The following AOX1 variants were observed in gnomAD, a reference collection of about 807,000 sequenced individuals.
AOX1 encodes the protein aldehyde oxidase.
Under a neutral mutation model 169.5 loss-of-function variants are expected in AOX1, and 153 were observed. The observed-to-expected ratio is 0.90, with a 90% confidence interval of 0.79 to 1.03. AOX1 has a LOEUF of 1.03. AOX1 is among the 50% of genes least tolerant of loss of function. The probability of loss-of-function intolerance (pLI) is 0.00; values close to 1 mark genes in which losing one functional copy is unlikely to be tolerated. For synonymous variants in AOX1, 562 were observed against 581.9 expected (o/e 0.97, Z 0.49); for missense variants, 1,656 against 1,663.9 (o/e 1.00, Z 0.08).
At chr2:200,656,515 T>A (rs957585783) in intron 26 of AOX1, among the ~76,000 whole-genome samples, 2 of 152,102 alleles carry the variant, frequency 1.3e-5, no homozygotes, top group African/African-American at 2.4e-5. Context: ...GCAAAACAAT[T>A]TTAGTGTCTA....
Position 200,587,032 on chromosome 2 carries a change from C to G in AOX1, c.45+879C>G, listed in dbSNP as rs565297822. On this transcript the variant is annotated intron_variant, in intron 1 of 34. Coordinates refer to ENST00000374700, the MANE Select transcript of AOX1 (RefSeq NM_001159.4). ...GCCTGTAATCTGCACTTTGGGAGAC[C>G]GAGGCAGGAGGATTGCTTGAGCCCA... Among the ~76,000 whole-genome samples the G allele has an allele frequency of 3.3e-5, 5 of 151,854 alleles. No homozygotes were observed. In the South Asian group the frequency reaches 1.0e-3, roughly 32 times the overall value.
In AOX1 at chr2:200,613,919, T is replaced by C; in HGVS notation, c.1564T>C (p.Phe522Leu). Residue 522 changes from phenylalanine to leucine, a missense_variant, in exon 15 of 35, where the codon TTC (phenylalanine) becomes CTC (leucine). Coordinates refer to ENST00000374700, the MANE Select transcript of AOX1 (RefSeq NM_001159.4). ...GTTCAAGAGGACTCTCATCATCAGC[T>C]TCCTCTTCAAGTTCTACCTGGAAGT... Reference protein sequence around the residue: ...VEFKRTLIISFLFKFYLEVSQ... With the variant: ...VEFKRTLIISLLFKFYLEVSQ... The C allele has an allele frequency of 3.1e-6, 5 of 1,612,566 alleles. No homozygotes were observed. The highest frequency in any genetic ancestry group is 4.2e-6 in the Non-Finnish European group (5 of 1,179,946).
At chr2:200,634,996 A>T in intron 21 of AOX1, 81 bp downstream of exon 21, 1 of 1,554,270 alleles carries the variant, frequency 6.4e-7, no homozygotes, top group East Asian at 2.3e-5. Context: ...TAGAGGTAAA[A>T]GTATATTTGG....
At chr2:200,657,165 A>AAAAAAAAATAT (rs1179205121) in intron 27 of AOX1, among the ~76,000 whole-genome samples, 3 of 88,370 alleles carry the variant, frequency 3.4e-5, no homozygotes, top group Admixed American at 1.4e-4. Context: ...CTCTACCAAA[A>AAAAAAAAATAT]ATATATATAT....
rs562870200 is a variant in AOX1 at position 200,670,139 on chromosome 2, C to T, written c.3966+397C>T. Among the ~76,000 whole-genome samples, 71 of 152,236 alleles carry T rather than the reference C, an allele frequency of 4.7e-4. 1 individual carries two copies. The highest frequency in any genetic ancestry group is 1.6e-3 in the African/African-American group (68 of 41,522). The stretch of plus-strand genomic sequence containing the variant: ...AGTCTGCCTCCACCCCAACCCCAAA[C>T]GGGCACCCGGAAAGTATGCTAGCAG... On this transcript the variant is annotated intron_variant, in intron 34 of 34. Transcript: ENST00000374700.
intron 14 of AOX1, among the ~76,000 whole-genome samples, 159 bp from the exon 15 acceptor site, chr2:200,613,645 A>G (rs1271780236): frequency 1.3e-5 from 2 of 152,144 alleles, no homozygotes; most frequent in Non-Finnish European, 2.9e-5. Flanking sequence ...CAGGCTAGCC[A>G]CCTTGAGAAT....
intron 11 of AOX1, 33 bp downstream of exon 11, chr2:200,609,168 C>T (rs373764972): frequency 1.2e-5 from 20 of 1,610,512 alleles, no homozygotes; most frequent in Non-Finnish European, 1.6e-5. Context: ...CTCTGGTATG[C>T]ATCCCTTGGG....
chr2:200,644,210 G>T (rs539834149), intron 25 of AOX1, among the ~76,000 whole-genome samples: 25 of 152,318 alleles, frequency 1.6e-4, no homozygotes, highest in Admixed American at 7.2e-4. Context: ...TTAGGTTTAA[G>T]TCCTTAATCC....
chr2:200,681,935 T>TA (rs1245445375), downstream of AOX1, among the ~76,000 whole-genome samples: 4 of 152,124 alleles, frequency 2.6e-5, no homozygotes, highest in Admixed American at 6.5e-5. Context: ...GGTTTTTTTT[T>TA]TTATTATTTG....
downstream of AOX1, among the ~76,000 whole-genome samples, chr2:200,680,548 T>TTTTTGTTTTTGC (rs1437325858): frequency 1.3e-5 from 2 of 151,966 alleles, no homozygotes; most frequent in Non-Finnish European, 2.9e-5. Flanking sequence ...TTTGTTTTTG[T>TTTTTGTTTTTGC]TTTTGTTTTT....
At chr2:200,609,882 GA>G (rs2034598881) in intron 12 of AOX1, among the ~76,000 whole-genome samples, 1 of 152,048 alleles carries the variant, frequency 6.6e-6, no homozygotes, top group African/African-American at 2.4e-5. Context: ...TTATTTACTT[GA>G]TTTTTGTTAT....
intron 25 of AOX1, 89 bp from the exon 26 acceptor site, chr2:200,650,884 TG>T: frequency 8.3e-7 from 1 of 1,207,790 alleles, no homozygotes; most frequent in Non-Finnish European, 1.2e-6. Context: ...CCTTACAGGA[TG>T]GGCAGAATTT....
rs768916042 is a variant in AOX1, at chr2:200,634,781, C to T, written c.2222-10C>T. On this transcript the variant is annotated splice_polypyrimidine_tract_variant and intron_variant, in intron 20 of 34. Coordinates refer to ENST00000374700, the MANE Select transcript of AOX1 (RefSeq NM_001159.4). Reference sequence around the variant, plus strand: ...TGCTTCCTTGACTTTTATGTATTTTCCTGTAACAGGTGAAATACATATGGG... The same window carrying T: ...TGCTTCCTTGACTTTTATGTATTTTTCTGTAACAGGTGAAATACATATGGG... 9.9e-6 allele frequency: 16 copies of T among 1,613,580 alleles called. No homozygotes were observed. Among genetic ancestry groups the T allele is most frequent in the Middle Eastern group, 1.7e-4 (1 of 6,054 alleles).
intron 23 of AOX1, among the ~76,000 whole-genome samples, chr2:200,639,202 T>C (rs966731452): frequency 1.1e-4 from 17 of 152,204 alleles, no homozygotes; most frequent in Non-Finnish European, 2.4e-4. Flanking sequence ...GAAAGTTTTA[T>C]TGGGTATCAC....
At chr2:200,588,225 G>A (rs1167462174) in intron 1 of AOX1, 1 of 152,542 alleles carries the variant, frequency 6.6e-6, no homozygotes, top group African/African-American at 2.4e-5. Flanking sequence ...AACATCTGGG[G>A]AGACAGCATC....
At chr2:200,627,235 G>A in intron 19 of AOX1, 118 bp from the exon 20 acceptor site, 1 of 690,494 alleles carries the variant, frequency 1.4e-6, no homozygotes, top group Non-Finnish European at 2.6e-6. Context: ...AAAGTGCACG[G>A]AACCACAAGG....
rs5837752 is a variant in AOX1, at chr2:200,657,190, ATTTTT to A, written c.3171+264_3171+268del. On this transcript the variant is annotated intron_variant, in intron 27 of 34. Coordinates refer to ENST00000374700, the MANE Select transcript of AOX1 (RefSeq NM_001159.4). ...AATATATATATATATATATATATAT[ATTTTT>A]TTTTTTTTTTAATTAGCAGGGCATG... Among the ~76,000 whole-genome samples, 8 of 62,916 alleles carry A rather than the reference ATTTTT, an allele frequency of 1.3e-4. 2 individuals are homozygous for A. Among genetic ancestry groups the A allele is most frequent in the African/African-American group, 5.5e-4 (7 of 12,640 alleles). 41.3% of individuals were successfully genotyped at this position (62,916 alleles called of 152,430 possible).
At chr2:200,588,726 C>CTTTTTTTTTT (rs71807461) in intron 1 of AOX1, among the ~76,000 whole-genome samples, 12 of 53,984 alleles carry the variant, frequency 2.2e-4, no homozygotes, top group East Asian at 4.9e-4. Context: ...CTAGAATAAG[C>CTTTTTTTTTT]TTTTTTTTTT....
chr2:200,614,511 C>A (rs552308691), intron 15 of AOX1, among the ~76,000 whole-genome samples: 4 of 152,146 alleles, frequency 2.6e-5, no homozygotes, highest in Non-Finnish European at 4.4e-5. Flanking sequence ...TCCATGCATT[C>A]TTTTGCCTGG....
Sources: gnomAD v4.1 joint callset for allele counts (sites outside exome capture counted in the v4.1 genomes callset) on GRCh38, gnomAD v4.1.1 for gene constraint, MANE v1.5 for transcripts, NCBI Gene and HGNC (gene_info 2026-07-23, HGNC 2026-07-21) for gene names.